Variants in MEGF11 observed in about 807,000 individuals in gnomAD.
MEGF11 encodes the protein multiple EGF like domains 11.
Under a neutral mutation model 146.6 loss-of-function variants are expected in MEGF11, and 126 were observed. The observed-to-expected ratio is 0.86, with a 90% confidence interval of 0.74 to 1.00. The LOEUF is 1.00. MEGF11 is among the 50% of genes least tolerant of loss of function. MEGF11 has a pLI of 0.00. For missense variants in MEGF11, 1,509 were observed against 1,521.2 expected (o/e 0.99, Z 0.13); for synonymous variants, 532 against 583.4 (o/e 0.91, Z 1.27).
chr15:66,157,366 C>G (rs2089797721), intron 1 of MEGF11, among the ~76,000 whole-genome samples: 1 of 152,188 alleles, frequency 6.6e-6, no homozygotes, highest in South Asian at 2.1e-4. Context: ...TCAAAGTGAG[C>G]AAGGGAGTGC....
At chr15:66,024,345 G>A (rs1022330608) in intron 5 of MEGF11, among the ~76,000 whole-genome samples, 2 of 152,230 alleles carry the variant, frequency 1.3e-5, no homozygotes, top group African/African-American at 2.4e-5. Flanking sequence ...CATTCTCTCA[G>A]CTGACCTTCA....
At chr15:66,076,709 C>T (rs753099815) in intron 5 of MEGF11, among the ~76,000 whole-genome samples, 5 of 152,174 alleles carry the variant, frequency 3.3e-5, no homozygotes, top group Non-Finnish European at 4.4e-5. Flanking sequence ...CCAGGAAAGG[C>T]AGAGGGAGGT....
intron 1 of MEGF11, among the ~76,000 whole-genome samples, chr15:66,156,520 C>T (rs530910988): frequency 2.6e-5 from 4 of 152,130 alleles, no homozygotes; most frequent in East Asian, 1.9e-4. Context: ...GCCCTGTGCT[C>T]GGCCACCACT....
At chr15:65,924,173 G>T (rs538988569) in intron 13 of MEGF11, among the ~76,000 whole-genome samples, 3 of 152,244 alleles carry the variant, frequency 2.0e-5, no homozygotes, top group East Asian at 3.9e-4. Context: ...CACCTGGGCT[G>T]GCGAGGAGAG....
rs1346433474 is a variant in MEGF11 at position 66,253,591 on chromosome 15, A to G, written c.-9+14T>C. The G allele has an allele frequency of 1.5e-5, 2 of 129,448 alleles. No homozygotes were observed. Among genetic ancestry groups the G allele is most frequent in the Non-Finnish European group, 3.2e-5 (2 of 61,924 alleles). The allele number at this position is 129,448 out of a possible 1,614,324, so 8.0% of individuals were successfully genotyped here. A position where few individuals can be genotyped will look rare whatever the true frequency, so the allele number is the denominator to read the frequency against. On this transcript the variant is annotated intron_variant, in intron 1 of 25. Coordinates refer to ENST00000395614, the MANE Select transcript of MEGF11 (RefSeq NM_001385028.1). ...GAGACTCCGCGTCCTCGCGGTCCCC[A>G]CTCAGCCACCTACCTGCTCCCGCGG... is the stretch of plus-strand genomic sequence containing the variant.
chr15:66,233,014 T>C (rs2092000806), intron 1 of MEGF11, among the ~76,000 whole-genome samples: 1 of 152,058 alleles, frequency 6.6e-6, no homozygotes, highest in African/African-American at 2.4e-5. Flanking sequence ...ACCACCTCAG[T>C]CTCCTAGTGT....
intron 5 of MEGF11, among the ~76,000 whole-genome samples, chr15:66,082,672 C>CAAA (rs71139462): frequency 1.3e-4 from 5 of 39,144 alleles, no homozygotes; most frequent in African/African-American, 4.3e-4. Flanking sequence ...GACTCTGTCT[C>CAAA]AAAAAAAAAA....
chr15:65,931,920 T>G (rs1162014271), intron 10 of MEGF11, among the ~76,000 whole-genome samples: 3 of 152,224 alleles, frequency 2.0e-5, no homozygotes, highest in Non-Finnish European at 2.9e-5. Flanking sequence ...AGAAGTTACT[T>G]AACTCTGCCA....
At chr15:66,149,384 A>G (rs985429798) in intron 1 of MEGF11, among the ~76,000 whole-genome samples, 1 of 152,192 alleles carries the variant, frequency 6.6e-6, no homozygotes, top group Non-Finnish European at 1.5e-5. Context: ...CAAAGTGGGA[A>G]TGTTAACAGA....
intron 7 of MEGF11, chr15:65,970,928 G>C: frequency 1.8e-6 from 1 of 558,002 alleles, no homozygotes; most frequent in South Asian, 2.1e-5. Flanking sequence ...GAGGTGCTGT[G>C]TGAGACACTA....
intron 1 of MEGF11, among the ~76,000 whole-genome samples, chr15:66,187,673 A>G (rs61268822): frequency 0.19 from 25,522 of 133,908 alleles, 2,758 homozygotes; most frequent in East Asian, 0.48. Flanking sequence ...GGGAGGAGCA[A>G]TGGAACAGAG....
chr15:66,200,423 T>A (rs2091125030), intron 1 of MEGF11, among the ~76,000 whole-genome samples: 1 of 152,340 alleles, frequency 6.6e-6, no homozygotes, highest in East Asian at 1.9e-4. Context: ...GCTTACATTT[T>A]TTCACTCCTT....
intron 10 of MEGF11, among the ~76,000 whole-genome samples, chr15:65,957,106 G>A (rs1185631673): frequency 6.6e-6 from 1 of 152,232 alleles, no homozygotes; most frequent in African/African-American, 2.4e-5. Flanking sequence ...TCAGCAGTAA[G>A]AGAATGGCTG....
chr15:66,120,319 G>A (rs2087959534), intron 3 of MEGF11, among the ~76,000 whole-genome samples: 1 of 152,198 alleles, frequency 6.6e-6, no homozygotes, highest in African/African-American at 2.4e-5. Context: ...GGCTACTAGA[G>A]ACTAGAGAGA....
chr15:66,190,841 T>C (rs549199303), intron 1 of MEGF11, among the ~76,000 whole-genome samples: 3 of 152,316 alleles, frequency 2.0e-5, no homozygotes, highest in Admixed American at 6.5e-5. Context: ...AATTTGCATG[T>C]CATTTGCATA....
At chr15:66,145,756 G>A (rs2089348852) in intron 1 of MEGF11, among the ~76,000 whole-genome samples, 2 of 152,214 alleles carry the variant, frequency 1.3e-5, no homozygotes, top group South Asian at 4.1e-4. Flanking sequence ...GTGCTCTGGA[G>A]TCAGAGCTGG....
intron 10 of MEGF11, among the ~76,000 whole-genome samples, chr15:65,952,142 A>G (rs762257051): frequency 1.3e-5 from 2 of 152,212 alleles, no homozygotes; most frequent in African/African-American, 4.8e-5. Context: ...ACTGCCCACA[A>G]TTTCAGGCAC....
chr15:66,016,056 T>C (rs771693506), intron 5 of MEGF11, among the ~76,000 whole-genome samples: 10 of 152,008 alleles, frequency 6.6e-5, no homozygotes, highest in Non-Finnish European at 1.3e-4. Flanking sequence ...TATCAAATCA[T>C]AGAATGGGAG....
chr15:66,185,984 A>G (rs1342762621), intron 1 of MEGF11, among the ~76,000 whole-genome samples: 1 of 152,160 alleles, frequency 6.6e-6, no homozygotes, highest in East Asian at 1.9e-4. Flanking sequence ...CCCTGCCTGA[A>G]TCCTACTGAG....
Sources: allele counts gnomAD v4.1 joint callset (sites outside exome capture counted in the v4.1 genomes callset), GRCh38; gene constraint gnomAD v4.1.1; transcripts MANE v1.5; gene names NCBI Gene and HGNC (gene_info 2026-07-23, HGNC 2026-07-21).